The following GPC3 variants were observed in gnomAD, a reference collection of about 807,000 sequenced individuals.
GPC3 encodes the protein glypican 3.
In GPC3, 3 loss-of-function variants were observed where a neutral mutation model predicts 34.4. That is an observed-to-expected ratio of 0.09 (90% CI 0.04 to 0.23). GPC3 has a LOEUF of 0.23. GPC3 is among the 10% of genes least tolerant of loss of function. GPC3 has a pLI of 1.00. For missense variants in GPC3, 351 were observed against 445.6 expected, an observed-to-expected ratio of 0.79 and a Z score of 1.91; for synonymous variants, 177 against 174.0, an observed-to-expected ratio of 1.02 and a Z score of -0.13.
At chrX:133,975,703 T>A (rs768562878) in intron 1 of GPC3, among the ~76,000 whole-genome samples, 1 of 112,503 alleles carries the variant, frequency 8.9e-6, no homozygotes, top group African/African-American at 3.2e-5. Flanking sequence ...CATCAGCTCC[T>A]AGCTCAGTAC....
intron 3 of GPC3, among the ~76,000 whole-genome samples, chrX:133,703,206 G>A (rs939327589): frequency 4.5e-4 from 50 of 111,624 alleles, no homozygotes; most frequent in Middle Eastern, 4.6e-3. Context: ...ATTTCCTTTC[G>A]CTGACTAATG....
At chrX:133,644,577 A>C (rs1437619909) in intron 6 of GPC3, among the ~76,000 whole-genome samples, 1 of 111,972 alleles carries the variant, frequency 8.9e-6, no homozygotes, top group Non-Finnish European at 1.9e-5. Flanking sequence ...CAGAGTGCAG[A>C]GAGATATAAA....
At chrX:133,582,630 G>GT (rs1020134505) in intron 7 of GPC3, among the ~76,000 whole-genome samples, 26 of 111,599 alleles carry the variant, frequency 2.3e-4, no homozygotes, top group East Asian at 1.7e-3. Flanking sequence ...ATTTTATAGG[G>GT]TTTTTTTTGG....
intron 7 of GPC3, among the ~76,000 whole-genome samples, chrX:133,566,003 A>G (rs1389067609): frequency 8.9e-6 from 1 of 112,615 alleles, no homozygotes; most frequent in Non-Finnish European, 1.9e-5. Flanking sequence ...GTGTTTATGT[A>G]AAGTTTTTCA....
intron 7 of GPC3, among the ~76,000 whole-genome samples, chrX:133,537,695 T>A: frequency 8.9e-6 from 1 of 112,154 alleles, no homozygotes; most frequent in South Asian, 3.7e-4. Flanking sequence ...AAAAAAGATA[T>A]TTTTTGCTAA....
chrX:133,909,542 T>C (rs1015876057), intron 2 of GPC3, among the ~76,000 whole-genome samples: 13 of 111,910 alleles, frequency 1.2e-4, no homozygotes, highest in Non-Finnish European at 3.8e-5. Context: ...CCTTTTTGCC[T>C]TTAGATTCTC....
At chrX:133,623,245 G>A (rs1034140694) in intron 6 of GPC3, among the ~76,000 whole-genome samples, 1 of 111,968 alleles carries the variant, frequency 8.9e-6, no homozygotes, top group Non-Finnish European at 1.9e-5. Context: ...GGAAGCAACT[G>A]CATCAACTAA....
At chrX:133,951,047 AGTGTGTGTGTGTGTGTGTGT>A (rs373690687) in intron 2 of GPC3, among the ~76,000 whole-genome samples, 2 of 76,695 alleles carry the variant, frequency 2.6e-5, no homozygotes, top group African/African-American at 4.7e-5. Flanking sequence ...AATTCAAGAA[AGTGTGTGTGTGTGTGTGTGT>A]GTGTGTGTGT....
chrX:133,813,439 G>A (rs773258847), intron 2 of GPC3, among the ~76,000 whole-genome samples: 13 of 112,579 alleles, frequency 1.2e-4, no homozygotes, highest in Non-Finnish European at 2.4e-4. Context: ...ACTAACCTCT[G>A]GGGGAAGTAT....
intron 6 of GPC3, among the ~76,000 whole-genome samples, chrX:133,653,382 G>A (rs750333673): frequency 2.7e-5 from 3 of 111,862 alleles, no homozygotes; most frequent in South Asian, 3.8e-4. Flanking sequence ...TGGCACATAA[G>A]CCCACTGACT....
chrX:133,806,473 T>C (rs1001253676), intron 2 of GPC3, among the ~76,000 whole-genome samples: 2 of 111,617 alleles, frequency 1.8e-5, no homozygotes, highest in East Asian at 2.8e-4. Context: ...TTGTATGCTG[T>C]ACAAGCCTGA....
intron 1 of GPC3, among the ~76,000 whole-genome samples, chrX:133,955,720 T>C (rs760451905): frequency 7.7e-4 from 85 of 110,528 alleles, no homozygotes; most frequent in Non-Finnish European, 1.3e-3. Flanking sequence ...GAAAAAAAAA[T>C]GTGTATATGG....
rs182435568 is a variant in GPC3 at position 133,871,399 on chromosome X, A to G, written c.337+81651T>C. ...TTACATCGACCTCTAGCTTTTCCCT[A>G]TCTCCACTGCTACAGCCCTAGTTAA... On this transcript the variant is annotated intron_variant, in intron 2 of 7. Transcript: ENST00000370818. Among the ~76,000 whole-genome samples the G allele has an allele frequency of 1.7e-4, 19 of 111,458 alleles. No individual in the cohort carries two copies. The Admixed American group carries it at 1.7e-3, about 10-fold the overall frequency.
chrX:133,641,998 G>A (rs1040709291), intron 6 of GPC3, among the ~76,000 whole-genome samples: 3 of 111,454 alleles, frequency 2.7e-5, no homozygotes, highest in South Asian at 3.8e-4. Context: ...TGGAATCAGC[G>A]TTTGTTTCAC....
At chrX:133,755,351 C>T (rs999473786) in intron 2 of GPC3, among the ~76,000 whole-genome samples, 4 of 111,456 alleles carry the variant, frequency 3.6e-5, no homozygotes, top group African/African-American at 1.3e-4. Context: ...TCCTTGGGAT[C>T]ACTTAGTCCA....
In GPC3 at chrX:133,717,629, G is replaced by C. The variant is rs753387919; in HGVS notation, c.1033-17601C>G. The stretch of plus-strand genomic sequence containing the variant: ...CTCACGAGGACCCCCTTAGAGTTGT[G>C]AGCCCTTAAAAGGGACTGGAATTGC... On this transcript the variant is annotated intron_variant, in intron 3 of 7. Coordinates refer to ENST00000370818, the MANE Select transcript of GPC3 (RefSeq NM_004484.4). Among the ~76,000 whole-genome samples the C allele has an allele frequency of 1.1e-3, 124 of 110,733 alleles. No individual in the cohort carries two copies. In the South Asian group the frequency reaches 0.013, roughly 11 times the overall value.
chrX:133,869,677 G>C (rs965294602), intron 2 of GPC3, among the ~76,000 whole-genome samples: 12 of 112,294 alleles, frequency 1.1e-4, no homozygotes, highest in Non-Finnish European at 1.5e-4. Flanking sequence ...GCCGGGCATG[G>C]TGGCTTACAC....
At chrX:133,920,855 T>C (rs917615469) in intron 2 of GPC3, among the ~76,000 whole-genome samples, 11 of 112,172 alleles carry the variant, frequency 9.8e-5, no homozygotes, top group African/African-American at 3.6e-4. Context: ...TATTAACACC[T>C]TACATAACCA....
chrX:133,914,944 AATATATATATATATATATATATATAT>A (rs35086661), intron 2 of GPC3, among the ~76,000 whole-genome samples: 1 of 49,934 alleles, frequency 2.0e-5, no homozygotes, highest in Admixed American at 2.4e-4. Flanking sequence ...TCAAACTGGA[AATATATATATATATATATATATATAT>A]ATATATATAT....
Sources: gnomAD v4.1 joint callset for allele counts (sites outside exome capture counted in the v4.1 genomes callset) on GRCh38, gnomAD v4.1.1 for gene constraint, MANE v1.5 for transcripts, NCBI Gene and HGNC (gene_info 2026-07-23, HGNC 2026-07-21) for gene names.